ZNF365: variants seen among roughly 807,000 people sequenced by gnomAD.
The protein encoded by ZNF365 is zinc finger protein 365.
A neutral mutation model predicts 35.0 loss-of-function variants in ZNF365; 22 were observed. The ratio of observed to expected loss-of-function variants is 0.63; its 90% CI spans 0.45 to 0.90. The LOEUF (loss-of-function observed/expected upper bound fraction) is 0.90. Ranked by LOEUF, ZNF365 falls within the 40% of genes least tolerant of loss-of-function variation. ZNF365 has a pLI of 0.00. For synonymous variants in ZNF365, 188 were observed against 196.2 expected (o/e 0.96, Z 0.35); for missense variants, 448 against 500.3 (o/e 0.90, Z 1.00).
At chr10:62,409,227 G>A (rs1839949906) in intron 3 of ZNF365, among the ~76,000 whole-genome samples, 1 of 152,172 alleles carries the variant, frequency 6.6e-6, no homozygotes, top group Non-Finnish European at 1.5e-5. Flanking sequence ...AGTGGAGGCA[G>A]CAGCTCCATC....
intron 2 of ZNF365, among the ~76,000 whole-genome samples, chr10:62,378,066 T>A (rs181918316): frequency 6.6e-6 from 1 of 152,362 alleles, no homozygotes; most frequent in Non-Finnish European, 1.5e-5. Context: ...CGAGACATTT[T>A]TTAAATTACG....
At chr10:62,463,161 A>C (rs548292439) in intron 4 of ZNF365, among the ~76,000 whole-genome samples, 56 of 152,346 alleles carry the variant, frequency 3.7e-4, no homozygotes, top group African/African-American at 1.3e-3. Flanking sequence ...TATTAGGCTC[A>C]AGATGAGCTC....
At chr10:62,415,180 CT>C (rs1259234386) in intron 3 of ZNF365, among the ~76,000 whole-genome samples, 2 of 151,804 alleles carry the variant, frequency 1.3e-5, no homozygotes, top group African/African-American at 4.8e-5. Flanking sequence ...TTTTTTCCCT[CT>C]TGGTTTTCAG....
At chr10:62,419,555 G>C (rs1265262752) in intron 3 of ZNF365, among the ~76,000 whole-genome samples, 4 of 151,440 alleles carry the variant, frequency 2.6e-5, no homozygotes, top group African/African-American at 9.7e-5. Flanking sequence ...AATTCTCATT[G>C]GTTAACAGAG....
At chr10:62,396,279 G>A (rs1336742337) in intron 3 of ZNF365, among the ~76,000 whole-genome samples, 1 of 152,236 alleles carries the variant, frequency 6.6e-6, no homozygotes, top group Non-Finnish European at 1.5e-5. Flanking sequence ...ATACAGTACA[G>A]AGTGAAGCCT....
At chr10:62,421,541 C>T (rs1444457019) in intron 3 of ZNF365, among the ~76,000 whole-genome samples, 1 of 152,098 alleles carries the variant, frequency 6.6e-6, no homozygotes, top group African/African-American at 2.4e-5. Context: ...TCTGCAAAAC[C>T]ACAGTGTGCT....
At chr10:62,409,619 G>A (rs1839956457) in intron 3 of ZNF365, among the ~76,000 whole-genome samples, 1 of 152,032 alleles carries the variant, frequency 6.6e-6, no homozygotes, top group African/African-American at 2.4e-5. Context: ...TCCTTCTTGT[G>A]CTTCAGGGTC....
chr10:62,435,872 T>C (rs1237085605), intron 3 of ZNF365, among the ~76,000 whole-genome samples: 8 of 152,204 alleles, frequency 5.3e-5, no homozygotes, highest in Non-Finnish European at 1.2e-4. Context: ...ATCTGAAATA[T>C]CTAGCAAAAG....
intron 4 of ZNF365, among the ~76,000 whole-genome samples, chr10:62,466,060 G>T (rs538223069): frequency 6.6e-6 from 1 of 152,164 alleles, no homozygotes; most frequent in Non-Finnish European, 1.5e-5. Context: ...ACACAAATAG[G>T]CTGAAACATA....
At chr10:62,416,803 C>T (rs1395068496) in intron 3 of ZNF365, among the ~76,000 whole-genome samples, 5 of 152,024 alleles carry the variant, frequency 3.3e-5, no homozygotes, top group Non-Finnish European at 5.9e-5. Flanking sequence ...ATCCAAAATA[C>T]TCCAGTGAGC....
At chr10:62,375,627 C>T (rs1433642858) in intron 1 of ZNF365, 1 of 157,340 alleles carries the variant, frequency 6.4e-6, no homozygotes, top group African/African-American at 2.5e-5. Flanking sequence ...TCTTAGGACC[C>T]ATTTTGACAA....
At chr10:62,438,209 G>C (rs113889446) in intron 3 of ZNF365, among the ~76,000 whole-genome samples, 1 of 147,580 alleles carries the variant, frequency 6.8e-6, no homozygotes, top group Admixed American at 6.7e-5. Context: ...TTTTTTTTGA[G>C]ACAGAGTCTC....
At chr10:62,398,272 A>G (rs1196147990) in intron 3 of ZNF365, among the ~76,000 whole-genome samples, 2 of 152,226 alleles carry the variant, frequency 1.3e-5, no homozygotes, top group Non-Finnish European at 2.9e-5. Context: ...CAGCCATAAA[A>G]TGGAATGAAA....
intron 4 of ZNF365, among the ~76,000 whole-genome samples, chr10:62,469,366 GT>G (rs949257937): frequency 2.6e-5 from 4 of 151,942 alleles, no homozygotes; most frequent in Non-Finnish European, 2.9e-5. Flanking sequence ...CTTCTGAATT[GT>G]TTTTCTTTAA....
chr10:62,480,053 C>A (rs74886691), exon 5 of ZNF365: 3 of 1,370,782 alleles, frequency 2.2e-6, no homozygotes, highest in East Asian at 2.6e-5. Flanking sequence ...GGTGACTTTA[C>A]TCACCAGGAG....
At chr10:62,469,463 TCA>T (rs1840998094) in intron 4 of ZNF365, among the ~76,000 whole-genome samples, 1 of 152,288 alleles carries the variant, frequency 6.6e-6, no homozygotes, top group East Asian at 1.9e-4. Flanking sequence ...TTAAATACCC[TCA>T]GTTTTTTAGC....
chr10:62,472,119 C>T (rs1365354330), intron 4 of ZNF365, among the ~76,000 whole-genome samples: 1 of 152,336 alleles, frequency 6.6e-6, no homozygotes, highest in South Asian at 2.1e-4. Context: ...ATGCACCTGT[C>T]ATAGATTACA....
At chr10:62,411,189 A>G (rs1486865536) in intron 3 of ZNF365, among the ~76,000 whole-genome samples, 2 of 152,104 alleles carry the variant, frequency 1.3e-5, no homozygotes, top group Non-Finnish European at 2.9e-5. Flanking sequence ...GACCTTTGTC[A>G]GAGGGATAGA....
intron 4 of ZNF365, among the ~76,000 whole-genome samples, chr10:62,476,332 GT>G (rs1841130728): frequency 6.6e-6 from 1 of 152,192 alleles, no homozygotes; most frequent in Non-Finnish European, 1.5e-5. Context: ...GGGAGGAAAA[GT>G]GTGCCACAGT....
Sources: allele counts gnomAD v4.1 joint callset (sites outside exome capture counted in the v4.1 genomes callset), GRCh38; gene constraint gnomAD v4.1.1; transcripts MANE v1.5; gene names NCBI Gene and HGNC (gene_info 2026-07-23, HGNC 2026-07-21).